OPCML: variants seen among roughly 807,000 people sequenced by gnomAD.
OPCML encodes the protein opioid binding protein/cell adhesion molecule like.
Under a neutral mutation model 37.8 loss-of-function variants are expected in OPCML, and 13 were observed. The observed-to-expected ratio is 0.34, with a 90% CI of 0.22 to 0.55. OPCML has a LOEUF of 0.55. OPCML is among the 20% of genes least tolerant of loss of function. The pLI is 0.91. For missense variants in OPCML, 341 were observed against 435.6 expected, an observed-to-expected ratio of 0.78 and a Z score of 1.93; for synonymous variants, 176 against 168.8, an observed-to-expected ratio of 1.04 and a Z score of -0.33.
chr11:132,998,466 G>A (rs144684614), intron 1 of OPCML, among the ~76,000 whole-genome samples: 1 of 152,076 alleles, frequency 6.6e-6, no homozygotes, highest in Non-Finnish European at 1.5e-5. Context: ...TACTCTAAAG[G>A]TGTCTTATTT....
intron 1 of OPCML, among the ~76,000 whole-genome samples, chr11:133,042,414 C>T (rs182355407): frequency 3.3e-5 from 5 of 152,270 alleles, no homozygotes; most frequent in East Asian, 1.9e-4. Flanking sequence ...ACAGTTCTGC[C>T]GGCTAGGCGC....
intron 4 of OPCML, among the ~76,000 whole-genome samples, chr11:132,460,269 A>T (rs550609009): frequency 6.6e-6 from 1 of 152,004 alleles, no homozygotes; most frequent in African/African-American, 2.4e-5. Context: ...AATGACTGCT[A>T]GCAAAGCCAA....
At chr11:132,643,235 C>T (rs112977548) in intron 3 of OPCML, among the ~76,000 whole-genome samples, 3 of 152,328 alleles carry the variant, frequency 2.0e-5, no homozygotes, top group African/African-American at 7.2e-5. Context: ...CGAGACAATG[C>T]CGCTGCACTC....
chr11:133,090,972 T>C (rs1234536670), intron 1 of OPCML, among the ~76,000 whole-genome samples: 1 of 152,166 alleles, frequency 6.6e-6, no homozygotes, highest in East Asian at 1.9e-4. Context: ...AGTGATGCCA[T>C]TTCCTAGAGT....
chr11:133,497,353 C>T (rs1947807487), intron 1 of OPCML, among the ~76,000 whole-genome samples: 1 of 152,020 alleles, frequency 6.6e-6, no homozygotes, highest in Non-Finnish European at 1.5e-5. Context: ...TCCAAAGTTT[C>T]CTGAATTTTT....
rs568007972 is a variant in OPCML at position 132,766,748 on chromosome 11, A to T, written c.147-109429T>A. Among the ~76,000 whole-genome samples the T allele has an allele frequency of 4.0e-5, 6 of 149,334 alleles. No individual in the cohort carries two copies. In the South Asian group the frequency reaches 1.1e-3, roughly 26 times the overall value. ...TTGACAGAAGAAGGCTAAAACCATTAAAAAAAAATGACAACCAGATGCATT... is the reference window on the plus strand; with the variant it reads ...TTGACAGAAGAAGGCTAAAACCATTTAAAAAAAATGACAACCAGATGCATT... On this transcript the variant is annotated intron_variant, in intron 2 of 7. Coordinates refer to ENST00000524381, the MANE Select transcript of OPCML (RefSeq NM_001012393.5).
intron 1 of OPCML, among the ~76,000 whole-genome samples, chr11:133,048,972 T>C (rs76301831): frequency 0.019 from 2,942 of 152,322 alleles, 55 homozygotes; most frequent in African/African-American, 0.054. Flanking sequence ...ATGTTTTCCA[T>C]TGATTCAAGA....
intron 1 of OPCML, among the ~76,000 whole-genome samples, chr11:133,381,728 A>G (rs1414736980): frequency 6.6e-6 from 1 of 152,222 alleles, no homozygotes; most frequent in Non-Finnish European, 1.5e-5. Context: ...CTACCTGCCA[A>G]AGGATCTATG....
intron 2 of OPCML, among the ~76,000 whole-genome samples, chr11:132,848,159 C>T (rs1284787836): frequency 6.6e-6 from 1 of 152,204 alleles, no homozygotes; most frequent in Non-Finnish European, 1.5e-5. Flanking sequence ...TGTAAACATT[C>T]ACATGTGAGA....
chr11:132,985,834 C>T (rs559902491), intron 1 of OPCML, among the ~76,000 whole-genome samples: 1 of 152,326 alleles, frequency 6.6e-6, no homozygotes, highest in Admixed American at 6.5e-5. Context: ...TTCCTTTTCC[C>T]TGCAGTAAAT....
chr11:133,135,693 C>T (rs1342789634), intron 1 of OPCML, among the ~76,000 whole-genome samples: 1 of 152,180 alleles, frequency 6.6e-6, no homozygotes, highest in Non-Finnish European at 1.5e-5. Context: ...AAGACTGAGG[C>T]TCTATGGAGT....
At chr11:132,972,546 A>C (rs1370104613) in intron 1 of OPCML, among the ~76,000 whole-genome samples, 3 of 152,248 alleles carry the variant, frequency 2.0e-5, no homozygotes, top group Non-Finnish European at 4.4e-5. Flanking sequence ...CGTTTTTATT[A>C]AAGCCATCGT....
chr11:132,437,310 G>A lies in OPCML; in HGVS notation c.555C>T (p.Ile185=). ...SEDEYLEISD[I]KRDQSGEYEC... is the part of the protein sequence containing the mutation. ...CGTACTCCCCGGACTGGTCTCGCTT[G>A]ATGTCAGAGATCTCCAGGTACTCAT... Residue 185 remains isoleucine (I), a synonymous_variant, in exon 5 of 8, where the codon ATC becomes ATT. Coordinates refer to ENST00000524381, the MANE Select transcript of OPCML (RefSeq NM_001012393.5). 6.2e-7 allele frequency: 1 copy of A among 1,614,240 alleles called. No individual in the cohort carries two copies. Among genetic ancestry groups the A allele is most frequent in the Non-Finnish European group, 8.5e-7 (1 of 1,180,044 alleles).
intron 1 of OPCML, among the ~76,000 whole-genome samples, chr11:133,091,099 T>A (rs1948898490): frequency 6.6e-6 from 1 of 152,154 alleles, no homozygotes; most frequent in South Asian, 2.1e-4. Context: ...TGCTGCAATG[T>A]TCCTTGGCTT....
At chr11:133,254,176 A>G (rs1267580927) in intron 1 of OPCML, among the ~76,000 whole-genome samples, 1 of 152,184 alleles carries the variant, frequency 6.6e-6, no homozygotes, top group Non-Finnish European at 1.5e-5. Context: ...ATATTCAGAG[A>G]GCAGATGACA....
chr11:132,452,144 T>C (rs898766051), intron 4 of OPCML, among the ~76,000 whole-genome samples: 5 of 152,236 alleles, frequency 3.3e-5, no homozygotes, highest in East Asian at 1.9e-4. Flanking sequence ...TGGCAGGCCC[T>C]GCAAATCCTC....
intron 1 of OPCML, among the ~76,000 whole-genome samples, chr11:133,317,358 C>G (rs962380785): frequency 2.6e-5 from 4 of 152,142 alleles, no homozygotes; most frequent in African/African-American, 9.6e-5. Context: ...AATTTGAAAA[C>G]TTATCTATCA....
chr11:132,946,361 A>T (rs569259984), intron 1 of OPCML, among the ~76,000 whole-genome samples: 83 of 152,366 alleles, frequency 5.4e-4, no homozygotes, highest in African/African-American at 1.8e-3. Context: ...ATAGTATAGT[A>T]AACATAAAAA....
intron 2 of OPCML, among the ~76,000 whole-genome samples, chr11:132,934,512 G>T (rs763754513): frequency 3.9e-5 from 6 of 152,122 alleles, no homozygotes; most frequent in Non-Finnish European, 5.9e-5. Flanking sequence ...CAGAGAAGAG[G>T]CTCTCAAATC....
Sources: allele counts gnomAD v4.1 joint callset (sites outside exome capture counted in the v4.1 genomes callset), GRCh38; gene constraint gnomAD v4.1.1; transcripts MANE v1.5; gene names NCBI Gene and HGNC (gene_info 2026-07-23, HGNC 2026-07-21).